PPFIA2: variants seen among roughly 807,000 people sequenced by gnomAD.
PPFIA2 encodes the protein liprin-alpha-2.
PPFIA2 carries 46 observed loss-of-function variants against 175.5 expected under a neutral mutation model. The observed-to-expected ratio is 0.26, with a 90% CI of 0.21 to 0.34. The LOEUF is 0.34. Ranked by LOEUF, PPFIA2 falls within the 10% of genes least tolerant of loss-of-function variation. The probability of loss-of-function intolerance (pLI) is 1.00; values close to 1 mark genes in which losing one functional copy is unlikely to be tolerated. For synonymous variants in PPFIA2, 568 were observed against 511.4 expected, an observed-to-expected ratio of 1.11 and a Z score of -1.49; for missense variants, 1,179 against 1,506.1, an observed-to-expected ratio of 0.78 and a Z score of 3.60.
rs571821814 is a variant in PPFIA2 at position 81,265,291 on chromosome 12, C to CAAAAAAAAA, written c.3555+1652_3555+1660dup. Among the ~76,000 whole-genome samples the CAAAAAAAAA allele has an allele frequency of 1.8e-3, 127 of 69,972 alleles. 3 individuals carry two copies. Among genetic ancestry groups the CAAAAAAAAA allele is most frequent in the African/African-American group, 7.9e-3 (125 of 15,906 alleles). The allele number at this position is 69,972 out of a possible 152,430, so 45.9% of individuals were successfully genotyped here. ...CTGGGCAACAAGAGCGAAACTCTGT[C>CAAAAAAAAA]AAAAAAAAAAAAAAAAAAAAAAAAA... On this transcript the variant is annotated intron_variant, in intron 30 of 32. Transcript: ENST00000549396.
intron 8 of PPFIA2, among the ~76,000 whole-genome samples, chr12:81,384,980 A>C (rs2038606280): frequency 6.6e-6 from 1 of 152,132 alleles, no homozygotes; most frequent in African/African-American, 2.4e-5. Context: ...TAAAGTCCGA[A>C]ATATATAAAC....
intron 4 of PPFIA2, among the ~76,000 whole-genome samples, chr12:81,573,947 C>T (rs1412893049): frequency 1.3e-5 from 2 of 151,872 alleles, no homozygotes; most frequent in African/African-American, 2.4e-5. Context: ...ATGCTGGAAA[C>T]ACTCAAAGTT....
intron 8 of PPFIA2, 39 bp from the exon 9 acceptor site, chr12:81,384,283 C>A: frequency 1.6e-6 from 2 of 1,269,610 alleles, no homozygotes; most frequent in South Asian, 3.3e-5. Flanking sequence ...TAAGAATTTT[C>A]ATCTTTAATT....
At chr12:81,315,828 T>A (rs908963300) in intron 22 of PPFIA2, among the ~76,000 whole-genome samples, 1 of 151,742 alleles carries the variant, frequency 6.6e-6, no homozygotes, top group Admixed American at 6.6e-5. Flanking sequence ...ATGTTTCTAG[T>A]GATTCTTACA....
At chr12:81,599,154 A>G (rs573274067) in intron 4 of PPFIA2, among the ~76,000 whole-genome samples, 1 of 151,998 alleles carries the variant, frequency 6.6e-6, no homozygotes, top group Non-Finnish European at 1.5e-5. Context: ...TTCCATTTAC[A>G]CATCGTTCAA....
At chr12:81,690,072 A>C (rs999874906) in intron 3 of PPFIA2, among the ~76,000 whole-genome samples, 10 of 152,130 alleles carry the variant, frequency 6.6e-5, no homozygotes, top group Non-Finnish European at 1.3e-4. Context: ...TTCAGTAAAC[A>C]CAGTACAGTA....
At chr12:81,611,042 G>A (rs1302225976) in intron 4 of PPFIA2, among the ~76,000 whole-genome samples, 1 of 152,112 alleles carries the variant, frequency 6.6e-6, no homozygotes, top group Non-Finnish European at 1.5e-5. Flanking sequence ...GCACTTAAGA[G>A]TAATGGCTGG....
intron 3 of PPFIA2, among the ~76,000 whole-genome samples, chr12:81,730,856 A>C (rs1287843830): frequency 6.6e-6 from 1 of 151,590 alleles, no homozygotes; most frequent in South Asian, 2.1e-4. Context: ...TTATATGAGA[A>C]TTGGTCTAGA....
chr12:81,441,982 G>A (rs1297966894), intron 6 of PPFIA2, among the ~76,000 whole-genome samples: 1 of 152,008 alleles, frequency 6.6e-6, no homozygotes, highest in African/African-American at 2.4e-5. Context: ...TATAAGAAAT[G>A]GTTGAATCTA....
At chr12:81,373,154 T>C (rs1401712603) in intron 11 of PPFIA2, among the ~76,000 whole-genome samples, 1 of 151,902 alleles carries the variant, frequency 6.6e-6, no homozygotes, top group Non-Finnish European at 1.5e-5. Flanking sequence ...TAAATTGTGT[T>C]ACTTGGGGGA....
At chr12:81,494,397 T>C (rs1254036655) in intron 4 of PPFIA2, among the ~76,000 whole-genome samples, 2 of 151,936 alleles carry the variant, frequency 1.3e-5, no homozygotes, top group Non-Finnish European at 2.9e-5. Context: ...CAATGAGATA[T>C]CATCTCACAC....
intron 4 of PPFIA2, among the ~76,000 whole-genome samples, chr12:81,610,232 C>T (rs763375921): frequency 9.9e-5 from 15 of 152,190 alleles, no homozygotes; most frequent in Non-Finnish European, 1.8e-4. Flanking sequence ...GCCTTGGGGA[C>T]GATCAACTTA....
chr12:81,641,884 A>G (rs2065015521), intron 4 of PPFIA2, among the ~76,000 whole-genome samples: 1 of 152,194 alleles, frequency 6.6e-6, no homozygotes, highest in African/African-American at 2.4e-5. Flanking sequence ...TCCATTCAGG[A>G]AAACTCTGCT....
At chr12:81,530,818 T>A (rs149281376) in intron 4 of PPFIA2, among the ~76,000 whole-genome samples, 1,884 of 152,000 alleles carry the variant, frequency 0.012, 26 homozygotes, top group Admixed American at 0.013. Context: ...TGGAATATTA[T>A]GTATTTGCAA....
At chr12:81,523,975 C>A (rs2063458844) in intron 4 of PPFIA2, among the ~76,000 whole-genome samples, 1 of 152,236 alleles carries the variant, frequency 6.6e-6, no homozygotes, top group Non-Finnish European at 1.5e-5. Flanking sequence ...GCCTTTCCCT[C>A]CTTTATCTGT....
intron 4 of PPFIA2, among the ~76,000 whole-genome samples, chr12:81,484,868 A>C (rs2058650837): frequency 6.6e-6 from 1 of 151,860 alleles, no homozygotes; most frequent in South Asian, 2.1e-4. Context: ...TACATGTATC[A>C]AAATGTTTTA....
intron 4 of PPFIA2, among the ~76,000 whole-genome samples, chr12:81,602,647 T>C (rs530348305): frequency 1.2e-4 from 18 of 151,866 alleles, no homozygotes; most frequent in Non-Finnish European, 2.1e-4. Context: ...AGTCATTCAC[T>C]TTCCTAACAC....
Position 81,623,805 on chromosome 12 carries a change from C to CA in PPFIA2, c.303+52985dup, listed in dbSNP as rs531212353. Among the ~76,000 whole-genome samples, 243 of 151,804 alleles carry CA rather than the reference C, an allele frequency of 1.6e-3. 3 individuals carry two copies. The Middle Eastern group carries it at 0.027, about 17-fold the overall frequency. On this transcript the variant is annotated intron_variant, in intron 4 of 32. Transcript: ENST00000549396. ...GAAAGTAAGAGCATGATACTGGGGT[C>CA]AAAAAGGGCAAATTTTACTTAGTAT...
chr12:81,295,127 T>C, intron 23 of PPFIA2, 92 bp from the exon 24 acceptor site: 2 of 1,150,652 alleles, frequency 1.7e-6, no homozygotes, highest in Middle Eastern at 4.6e-4. Context: ...GTATCTTACA[T>C]ACATGACCTC....
Sources: gnomAD v4.1 joint callset for allele counts (sites outside exome capture counted in the v4.1 genomes callset) on GRCh38, gnomAD v4.1.1 for gene constraint, MANE v1.5 for transcripts, NCBI Gene and HGNC (gene_info 2026-07-23, HGNC 2026-07-21) for gene names.